Variants in PICALM observed in about 807,000 individuals in gnomAD.
PICALM encodes phosphatidylinositol-binding clathrin assembly protein.
Under a neutral mutation model 80.5 loss-of-function variants are expected in PICALM, and 40 were observed. That is an observed-to-expected ratio of 0.50 (90% confidence interval 0.39 to 0.65). The LOEUF (loss-of-function observed/expected upper bound fraction) is 0.65, where lower values mean the gene tolerates loss of function less well. Ranked by LOEUF, PICALM falls within the 30% of genes least tolerant of loss-of-function variation. The pLI is 0.00. For missense variants in PICALM, 676 were observed against 778.9 expected (o/e 0.87, Z 1.57); for synonymous variants, 288 against 260.3 (o/e 1.11, Z -1.02).
At chr11:86,055,675 C>T (rs1331028099) in intron 1 of PICALM, among the ~76,000 whole-genome samples, 1 of 152,110 alleles carries the variant, frequency 6.6e-6, no homozygotes, top group Non-Finnish European at 1.5e-5. Flanking sequence ...TTTGGTTTTC[C>T]TTAATACAAA....
At chr11:86,005,737 G>A in intron 8 of PICALM, among the ~76,000 whole-genome samples, 1 of 142,716 alleles carries the variant, frequency 7.0e-6, no homozygotes. Context: ...CCCAAAGAGT[G>A]AAGAAAATGT....
At chr11:86,003,186 G>C (rs2095192108) in intron 9 of PICALM, among the ~76,000 whole-genome samples, 180 bp downstream of exon 9, 1 of 152,134 alleles carries the variant, frequency 6.6e-6, no homozygotes, top group South Asian at 2.1e-4. Flanking sequence ...TCAAGAATTT[G>C]CATGTATTAA....
chr11:86,005,885 A>C (rs1488913420), intron 8 of PICALM, among the ~76,000 whole-genome samples: 3 of 152,152 alleles, frequency 2.0e-5, no homozygotes, highest in Non-Finnish European at 4.4e-5. Flanking sequence ...AATTTTCTGA[A>C]TCAGCCAAAG....
chr11:86,068,801 C>T lies in PICALM; in HGVS notation c.-21G>A. 2 of 1,589,676 alleles carry T rather than the reference C, an allele frequency of 1.3e-6. No individual in the cohort carries two copies. Among genetic ancestry groups the T allele is most frequent in the Non-Finnish European group, 1.7e-6 (2 of 1,171,896 alleles). On this transcript the variant is annotated 5_prime_UTR_variant, in exon 1 of 20. Coordinates refer to ENST00000393346, the MANE Select transcript of PICALM (RefSeq NM_007166.4). ...GACATCTCTGCAGCTCCTCCACCAC[C>T]CCACCCGCTCAGCAGCCGGCGGGGA...
chr11:85,987,760 T>C (rs370256247), intron 13 of PICALM, among the ~76,000 whole-genome samples: 158 of 152,352 alleles, frequency 1.0e-3, no homozygotes, highest in African/African-American at 3.6e-3. Flanking sequence ...TACCAGCTAC[T>C]GTACCCAGCT....
intron 8 of PICALM, among the ~76,000 whole-genome samples, chr11:86,006,407 G>A (rs1036969479): frequency 1.3e-5 from 2 of 152,132 alleles, no homozygotes; most frequent in Non-Finnish European, 2.9e-5. Context: ...CAACACTTTC[G>A]GAAGCCTAGG....
At chr11:85,996,340 C>T (rs1031805645) in intron 12 of PICALM, among the ~76,000 whole-genome samples, 7 of 151,970 alleles carry the variant, frequency 4.6e-5, no homozygotes, top group African/African-American at 1.7e-4. Context: ...ACATTTAAAA[C>T]ATTTATGTCT....
In PICALM at chr11:85,983,851, AT is replaced by A. The variant is rs551977454; in HGVS notation, c.1516+14del. The stretch of plus-strand genomic sequence containing the variant: ...AGGACATTATAATATTTTTAATAAA[AT>A]TTTTTTTCCTTACCCCCAGAATCTA... On this transcript the variant is annotated intron_variant, in intron 14 of 19. Coordinates refer to ENST00000393346, the MANE Select transcript of PICALM (RefSeq NM_007166.4). 398 of 1,091,674 alleles carry A rather than the reference AT, an allele frequency of 3.6e-4. 4 individuals carry two copies. In the Middle Eastern group the frequency reaches 4.5e-3, roughly 12 times the overall value. 67.6% of individuals were successfully genotyped at this position (1,091,674 alleles called of 1,614,324 possible).
chr11:86,017,332 G>A (rs1251336923), intron 4 of PICALM, among the ~76,000 whole-genome samples: 1 of 151,784 alleles, frequency 6.6e-6, no homozygotes, highest in Non-Finnish European at 1.5e-5. Flanking sequence ...TATAACTGAT[G>A]AAAACATAAT....
intron 19 of PICALM, among the ~76,000 whole-genome samples, chr11:85,966,845 C>G (rs911843185): frequency 6.6e-6 from 1 of 152,116 alleles, no homozygotes; most frequent in Non-Finnish European, 1.5e-5. Context: ...AACTATGGAA[C>G]GAATGGGGCT....
chr11:86,028,333 G>A (rs562923762), intron 2 of PICALM, among the ~76,000 whole-genome samples: 1 of 152,198 alleles, frequency 6.6e-6, no homozygotes, highest in South Asian at 2.1e-4. Context: ...TGTGGAAGGT[G>A]GGTGATTAGG....
intron 4 of PICALM, among the ~76,000 whole-genome samples, chr11:86,017,382 T>G (rs1233982169): frequency 6.6e-6 from 1 of 152,066 alleles, no homozygotes; most frequent in Non-Finnish European, 1.5e-5. Flanking sequence ...ATAAAAAACA[T>G]AAAAATGAAG....
chr11:86,042,536 A>G (rs1017900648), intron 1 of PICALM, among the ~76,000 whole-genome samples: 1 of 152,142 alleles, frequency 6.6e-6, no homozygotes, highest in East Asian at 1.9e-4. Flanking sequence ...CACCTATAGG[A>G]AAGAAAACAT....
intron 1 of PICALM, among the ~76,000 whole-genome samples, chr11:86,065,477 T>C (rs576539733): frequency 6.6e-6 from 1 of 152,038 alleles, no homozygotes; most frequent in African/African-American, 2.4e-5. Context: ...TATCCTGCAA[T>C]AATTATGGTT....
intron 12 of PICALM, among the ~76,000 whole-genome samples, chr11:85,992,526 T>C (rs1385084497): frequency 6.6e-6 from 1 of 152,044 alleles, no homozygotes; most frequent in Non-Finnish European, 1.5e-5. Flanking sequence ...CCTCAGGTGA[T>C]CCACCCGCCT....
chr11:86,033,883 C>T (rs2095800226), intron 1 of PICALM, among the ~76,000 whole-genome samples: 1 of 152,146 alleles, frequency 6.6e-6, no homozygotes, highest in African/African-American at 2.4e-5. Flanking sequence ...TGTGTCCTTA[C>T]ATTAAGTTAA....
At chr11:85,966,101 G>A (rs988068131) in intron 19 of PICALM, among the ~76,000 whole-genome samples, 3 of 152,108 alleles carry the variant, frequency 2.0e-5, no homozygotes, top group South Asian at 2.1e-4. Flanking sequence ...TTACAGGTGT[G>A]AGCCACCGCA....
At chr11:85,984,939 A>G (rs2094534720) in intron 13 of PICALM, among the ~76,000 whole-genome samples, 1 of 152,180 alleles carries the variant, frequency 6.6e-6, no homozygotes, top group Non-Finnish European at 1.5e-5. Context: ...CCAAATAAAT[A>G]TCAACCTCAC....
At chr11:85,975,736 A>G (rs2135574799) in intron 18 of PICALM, among the ~76,000 whole-genome samples, 1 of 151,414 alleles carries the variant, frequency 6.6e-6, no homozygotes, top group Middle Eastern at 3.4e-3. Flanking sequence ...AGCTGGAATT[A>G]CAGGTGTGCG....
Sources: gnomAD v4.1 joint callset for allele counts (sites outside exome capture counted in the v4.1 genomes callset) on GRCh38, gnomAD v4.1.1 for gene constraint, MANE v1.5 for transcripts, NCBI Gene and HGNC (gene_info 2026-07-23, HGNC 2026-07-21) for gene names.